The following HTR1F variants were observed in gnomAD, a reference collection of about 807,000 sequenced individuals.
The protein encoded by HTR1F is 5-hydroxytryptamine receptor 1F.
Under a neutral mutation model 24.0 loss-of-function variants are expected in HTR1F, and 17 were observed. The observed-to-expected ratio is 0.71, with a 90% CI of 0.48 to 1.06. The LOEUF (loss-of-function observed/expected upper bound fraction) is 1.06. Ranked by LOEUF, HTR1F falls within the 50% of genes least tolerant of loss-of-function variation. The pLI is 0.00. For synonymous variants in HTR1F, 186 were observed against 156.8 expected (o/e 1.19, Z -1.39); for missense variants, 391 against 427.8 (o/e 0.91, Z 0.76).
intron 2 of HTR1F, among the ~76,000 whole-genome samples, chr3:87,858,811 G>T (rs1705255687): frequency 6.6e-6 from 1 of 152,142 alleles, no homozygotes; most frequent in Non-Finnish European, 1.5e-5. Flanking sequence ...GGGTCAAATT[G>T]TTTCTAGTTC....
intron 1 of HTR1F, among the ~76,000 whole-genome samples, chr3:87,803,338 T>C (rs991371431): frequency 6.6e-6 from 1 of 152,156 alleles, no homozygotes; most frequent in Non-Finnish European, 1.5e-5. Context: ...TTTAGCTCAA[T>C]TCTATGCAAA....
At chr3:87,855,118 T>G (rs1472647827) in intron 2 of HTR1F, among the ~76,000 whole-genome samples, 1 of 152,090 alleles carries the variant, frequency 6.6e-6, no homozygotes, top group Non-Finnish European at 1.5e-5. Context: ...TAATGGATGG[T>G]GCAATGGCAT....
chr3:87,908,466 C>A (rs1703710958), intron 2 of HTR1F, among the ~76,000 whole-genome samples: 1 of 151,898 alleles, frequency 6.6e-6, no homozygotes, highest in Non-Finnish European at 1.5e-5. Flanking sequence ...TGTTTCCCAA[C>A]TGGGATAAAT....
intron 2 of HTR1F, among the ~76,000 whole-genome samples, chr3:87,972,544 G>C (rs555221851): frequency 1.3e-5 from 2 of 152,250 alleles, no homozygotes; most frequent in African/African-American, 4.8e-5. Flanking sequence ...TAGACAACTA[G>C]ACAACTCCAT....
intron 2 of HTR1F, among the ~76,000 whole-genome samples, chr3:87,885,202 C>G (rs930002987): frequency 6.6e-6 from 1 of 152,178 alleles, no homozygotes; most frequent in Non-Finnish European, 1.5e-5. Context: ...GAAAACCACA[C>G]AACTACATGG....
At chr3:87,877,829 T>C (rs1301353412) in intron 2 of HTR1F, among the ~76,000 whole-genome samples, 1 of 152,156 alleles carries the variant, frequency 6.6e-6, no homozygotes, top group African/African-American at 2.4e-5. Flanking sequence ...TGTTTGTCTT[T>C]GGGTAAGGAT....
chr3:87,920,301 T>C lies in HTR1F; in HGVS notation c.-42-70407T>C, dbSNP rs1248184428. 2.0e-5 allele frequency among the ~76,000 whole-genome samples: 3 copies of C among 151,842 alleles called. No homozygotes were observed. The South Asian group carries it at 6.2e-4, about 32-fold the overall frequency. On this transcript the variant is annotated intron_variant, in intron 2 of 2. Transcript: ENST00000319595. ...AAAAGACTACGAATAGGGTAAAGTG[T>C]GTACTGCTCAGGTGATGGGTGCACC... is the stretch of plus-strand genomic sequence containing the variant.
chr3:87,901,255 T>G (rs576880075), intron 2 of HTR1F, among the ~76,000 whole-genome samples: 2 of 152,258 alleles, frequency 1.3e-5, no homozygotes, highest in South Asian at 4.2e-4. Context: ...TGACTGTATT[T>G]GAGATAAGGG....
chr3:87,911,298 C>T (rs1703774330), intron 2 of HTR1F, among the ~76,000 whole-genome samples: 1 of 152,000 alleles, frequency 6.6e-6, no homozygotes, highest in Admixed American at 6.6e-5. Flanking sequence ...CCGCTGACCA[C>T]ACAGAAATAC....
chr3:87,930,082 G>A (rs1704224936), intron 2 of HTR1F, among the ~76,000 whole-genome samples: 1 of 152,056 alleles, frequency 6.6e-6, no homozygotes, highest in Non-Finnish European at 1.5e-5. Flanking sequence ...TTGGCTCTCA[G>A]CTTGGCTGTT....
rs780942771 is a variant in HTR1F, at chr3:87,991,784, G to A, written c.1035G>A (p.Leu345=). The A allele has an allele frequency of 5.6e-6, 9 of 1,609,632 alleles. No individual in the cohort carries two copies. In the South Asian group the frequency reaches 1.0e-4, roughly 18 times the overall value. The stretch of plus-strand genomic sequence containing the variant: ...ATCTCAATTCCCTTATAAATCCACT[G>A]ATTTACACAATCTTTAATGAAGACT... The part of the protein sequence containing the change: ...LGYLNSLINP[L]IYTIFNEDFK... Residue 345 remains leucine (L), a synonymous_variant, in exon 3 of 3, where the codon CTG becomes CTA. Coordinates refer to ENST00000319595, the MANE Select transcript of HTR1F (RefSeq NM_001322209.2).
chr3:87,990,618 A>C, intron 2 of HTR1F, 90 bp from the exon 3 acceptor site: 1 of 647,762 alleles, frequency 1.5e-6, no homozygotes, highest in Non-Finnish European at 2.6e-6. Context: ...CTGGGTAAAC[A>C]TAACATACAC....
intron 1 of HTR1F, among the ~76,000 whole-genome samples, chr3:87,796,210 G>GACAAGACTTAATGAT (rs1703901712): frequency 6.6e-6 from 1 of 151,978 alleles, no homozygotes; most frequent in Non-Finnish European, 1.5e-5. Context: ...AGGCAAAGGT[G>GACAAGACTTAATGAT]ACAAGACTTG....
intron 1 of HTR1F, among the ~76,000 whole-genome samples, chr3:87,800,755 T>C (rs1575883639): frequency 6.6e-6 from 1 of 152,320 alleles, no homozygotes; most frequent in East Asian, 1.9e-4. Context: ...ACAACTACCC[T>C]TGAGTAGGAG....
At chr3:87,793,471 G>C (rs1383016099) in intron 1 of HTR1F, 1 of 152,280 alleles carries the variant, frequency 6.6e-6, no homozygotes, top group East Asian at 1.9e-4. Context: ...AGCTTGCCTA[G>C]TTGCCGCAGG....
intron 2 of HTR1F, among the ~76,000 whole-genome samples, chr3:87,864,780 C>T (rs1705387973): frequency 1.3e-5 from 2 of 151,680 alleles, no homozygotes; most frequent in Admixed American, 1.3e-4. Flanking sequence ...CCTGTAATCC[C>T]CGCTACTTGG....
chr3:87,826,793 G>A (rs915911170), intron 2 of HTR1F, among the ~76,000 whole-genome samples: 3 of 152,090 alleles, frequency 2.0e-5, no homozygotes, highest in Non-Finnish European at 4.4e-5. Flanking sequence ...GTAGATAATG[G>A]AAGGTGTTGC....
intron 1 of HTR1F, among the ~76,000 whole-genome samples, chr3:87,812,266 G>C (rs1440012745): frequency 6.6e-6 from 1 of 152,174 alleles, no homozygotes; most frequent in South Asian, 2.1e-4. Flanking sequence ...GGAAAAATTC[G>C]ATCTTCCTAG....
chr3:87,899,390 GT>G (rs1706274062), intron 2 of HTR1F, among the ~76,000 whole-genome samples: 1 of 152,124 alleles, frequency 6.6e-6, no homozygotes, highest in South Asian at 2.1e-4. Context: ...CTGGTAGCTA[GT>G]TTGTTCATTT....
Sources: gnomAD v4.1 joint callset for allele counts (sites outside exome capture counted in the v4.1 genomes callset) on GRCh38, gnomAD v4.1.1 for gene constraint, MANE v1.5 for transcripts, NCBI Gene and HGNC (gene_info 2026-07-23, HGNC 2026-07-21) for gene names.